TMEM41A: variants seen among roughly 807,000 people sequenced by gnomAD.
The protein encoded by TMEM41A is transmembrane protein 41A.
In TMEM41A, 20 loss-of-function variants were observed where a neutral mutation model predicts 25.7. The ratio of observed to expected loss-of-function variants is 0.78; its 90% CI spans 0.55 to 1.13. The LOEUF is 1.13. Among genes scored for constraint, TMEM41A ranks in the 50% most tolerant of loss-of-function variants. The pLI, the probability that TMEM41A is intolerant of heterozygous loss-of-function variation, is 0.00. For missense variants in TMEM41A, 299 were observed against 314.3 expected, an observed-to-expected ratio of 0.95 and a Z score of 0.37; for synonymous variants, 133 against 139.6, an observed-to-expected ratio of 0.95 and a Z score of 0.33.
In TMEM41A at chr3:185,498,432, A is replaced by G. The variant is rs111683982; in HGVS notation, c.119+411T>C. On this transcript the variant is annotated intron_variant, in intron 1 of 4. Coordinates refer to ENST00000421852, the MANE Select transcript of TMEM41A (RefSeq NM_080652.4). ...GTAAGTGGGGTGGGGAGGAGGAGAGACAGTTGAAAGTGGACTTGAAGAGGC... is the reference window on the plus strand; with the variant it reads ...GTAAGTGGGGTGGGGAGGAGGAGAGGCAGTTGAAAGTGGACTTGAAGAGGC... The G allele has an allele frequency of 7.2e-3, 1,270 of 176,520 alleles. 11 individuals carry two copies. Among genetic ancestry groups the G allele is most frequent in the African/African-American group, 0.028 (1,174 of 42,224 alleles). 10.9% of individuals were successfully genotyped at this position (176,520 alleles called of 1,614,324 possible).
Position 185,496,939 on chromosome 3 carries a change from G to A in TMEM41A, c.162C>T (p.Leu54=), listed in dbSNP as rs1719120476. ...FPSDLAELRE[L]SEVLREYRKE... ...TCCGGTACTCTCGAAGGACCTCAGAGAGCTCCCGCAGCTCTGCCAGGTCGG... is the reference window on the plus strand; with the variant it reads ...TCCGGTACTCTCGAAGGACCTCAGAAAGCTCCCGCAGCTCTGCCAGGTCGG... The change falls in exon 2 of 5, where the codon CTC becomes CTT. Residue 54 remains leucine (L), a synonymous_variant. Transcript: ENST00000421852. 1.2e-6 allele frequency: 2 copies of A among 1,601,412 alleles called. No homozygotes were observed. Among genetic ancestry groups the A allele is most frequent in the Admixed American group, 1.7e-5 (1 of 57,434 alleles).
rs962878994 is a variant in TMEM41A at position 185,494,638 on chromosome 3, A to G, written c.559T>C (p.Phe187Leu). Residue 187 changes from phenylalanine (F) to leucine (L), a missense_variant, in exon 4 of 5, where the codon TTC (phenylalanine) becomes CTC (leucine). Phe to Leu is a conservative substitution (Grantham distance 22). Transcript: ENST00000421852. ...ILNIPIVQFFFSVLIGLIPYN... is the reference protein window; with the variant it reads ...ILNIPIVQFFLSVLIGLIPYN... ...AGCATCTTACCGATAAGAACTGAGA[A>G]GAAGAACTGCACGATGGGAATGTTC... The G allele has an allele frequency of 1.9e-6, 3 of 1,607,736 alleles. No homozygotes were observed. Among genetic ancestry groups the G allele is most frequent in the Non-Finnish European group, 2.5e-6 (3 of 1,177,834 alleles).
At chr3:185,495,482 C>T (rs912848062) in intron 2 of TMEM41A, 167 bp from the exon 3 acceptor site, 6 of 674,502 alleles carry the variant, frequency 8.9e-6, no homozygotes, top group Non-Finnish European at 1.5e-5. Flanking sequence ...GCTCTGTCAC[C>T]CAGGCTGGAG....
intron 2 of TMEM41A, chr3:185,496,018 T>C (rs1295077639): frequency 6.5e-6 from 1 of 153,522 alleles, no homozygotes; most frequent in Non-Finnish European, 1.5e-5. Flanking sequence ...GATGTCTTGT[T>C]TCTTTGCTTT....
chr3:185,494,538 G>T, intron 4 of TMEM41A, 85 bp downstream of exon 4: 1 of 1,376,612 alleles, frequency 7.3e-7, no homozygotes, highest in Non-Finnish European at 9.6e-7. Flanking sequence ...TCAGAAGCAG[G>T]CACATGCTCA....
chr3:185,496,017 T>C (rs1719091323), intron 2 of TMEM41A: 1 of 153,510 alleles, frequency 6.5e-6, no homozygotes, highest in Non-Finnish European at 1.5e-5. Context: ...AGATGTCTTG[T>C]TTCTTTGCTT....
At chr3:185,493,353 G>A (rs1719012048) in intron 4 of TMEM41A, 1 of 152,156 alleles carries the variant, frequency 6.6e-6, no homozygotes, top group African/African-American at 2.4e-5. Context: ...GTCTAATTCA[G>A]TAGACTGCAA....
intron 2 of TMEM41A, 149 bp downstream of exon 2, chr3:185,496,678 TC>T (rs1719110269): frequency 1.0e-6 from 1 of 968,890 alleles, no homozygotes. Context: ...GCTCAATCCC[TC>T]CGTAAGTGCT....
At chr3:185,494,954 C>T (rs1014212592) in intron 3 of TMEM41A, 193 bp from the exon 4 acceptor site, 1 of 953,970 alleles carries the variant, frequency 1.0e-6, no homozygotes, top group African/African-American at 1.7e-5. Flanking sequence ...AGAACTTGCC[C>T]AAAGTCACAG....
At chr3:185,497,147 C>T (rs1719128405) in intron 1 of TMEM41A, among the ~76,000 whole-genome samples, 166 bp from the exon 2 acceptor site, 2 of 152,292 alleles carry the variant, frequency 1.3e-5, no homozygotes, top group South Asian at 4.1e-4. Flanking sequence ...TACGACGTTG[C>T]GGAGACAGAC....
intron 2 of TMEM41A, chr3:185,496,362 G>A: frequency 4.2e-6 from 1 of 236,522 alleles, no homozygotes; most frequent in Non-Finnish European, 8.6e-6. Context: ...CAAGAGCACA[G>A]CAGGCAGAGT....
At chr3:185,492,266 C>T (rs542670879) in intron 4 of TMEM41A, 2 of 152,826 alleles carry the variant, frequency 1.3e-5, no homozygotes, top group African/African-American at 4.8e-5. Context: ...CTTACCACTG[C>T]ACTTCAGCCC....
At chr3:185,494,517 A>C in intron 4 of TMEM41A, 106 bp downstream of exon 4, 1 of 1,270,402 alleles carries the variant, frequency 7.9e-7, no homozygotes, top group Non-Finnish European at 1.1e-6. Flanking sequence ...ACACTTTGTG[A>C]GCCTGTGTTC....
chr3:185,497,104 G>T, intron 1 of TMEM41A, 123 bp from the exon 2 acceptor site: 1 of 1,227,836 alleles, frequency 8.1e-7, no homozygotes. Context: ...GATCTGCTGG[G>T]AACACATACA....
In TMEM41A at chr3:185,498,987, G is replaced by T; in HGVS notation, c.-26C>A. On this transcript the variant is annotated 5_prime_UTR_variant, in exon 1 of 5. Transcript: ENST00000421852. ...GTCGGCTCCGCACCCCGGCCCGCGG[G>T]GCAGCCGAGAAGCTCACTTGCACTC... The T allele has an allele frequency of 6.3e-7, 1 of 1,576,318 alleles. No homozygotes were observed. The highest frequency in any genetic ancestry group is 8.6e-7 in the Non-Finnish European group (1 of 1,160,024).
intron 1 of TMEM41A, 155 bp downstream of exon 1, chr3:185,498,688 C>A: frequency 1.6e-6 from 1 of 628,908 alleles, no homozygotes; most frequent in Admixed American, 3.2e-5. Context: ...CGGACGCGGG[C>A]CCGGATACCA....
chr3:185,495,365 G>C (rs760550580), intron 2 of TMEM41A, 50 bp from the exon 3 acceptor site: 6 of 1,575,966 alleles, frequency 3.8e-6, no homozygotes, highest in Non-Finnish European at 4.3e-6. Flanking sequence ...CAGCTACCAG[G>C]CACGTCATCT....
intron 4 of TMEM41A, chr3:185,492,376 G>C (rs531035438): frequency 2.6e-4 from 40 of 152,160 alleles, no homozygotes; most frequent in African/African-American, 8.4e-4. Flanking sequence ...AAGACATCAG[G>C]GAGTACAGTT....
chr3:185,498,823 C>T lies in TMEM41A; in HGVS notation c.119+20G>A, dbSNP rs532832863. Reference sequence around the variant, plus strand: ...CCCGGCTCCCTTCCTCTGACCCGAACCCGGATTCCCGCCACGCACCTGCCT... The same window carrying T: ...CCCGGCTCCCTTCCTCTGACCCGAATCCGGATTCCCGCCACGCACCTGCCT... On this transcript the variant is annotated intron_variant, in intron 1 of 4. Transcript: ENST00000421852. 4 of 1,563,402 alleles carry T rather than the reference C, an allele frequency of 2.6e-6. No individual in the cohort carries two copies. In the Admixed American group the frequency reaches 7.7e-5, roughly 30 times the overall value.
Sources: gnomAD v4.1 joint callset for allele counts (sites outside exome capture counted in the v4.1 genomes callset) on GRCh38, gnomAD v4.1.1 for gene constraint, MANE v1.5 for transcripts, NCBI Gene and HGNC (gene_info 2026-07-23, HGNC 2026-07-21) for gene names.